LDB1: variants seen among roughly 807,000 people sequenced by gnomAD.
LDB1 encodes the protein LIM domain binding 1.
LDB1 carries 6 observed loss-of-function variants against 49.7 expected under a neutral mutation model. The ratio of observed to expected loss-of-function variants is 0.12; its 90% CI spans 0.07 to 0.24. The LOEUF (loss-of-function observed/expected upper bound fraction) is 0.24. Ranked by LOEUF, LDB1 falls within the 10% of genes least tolerant of loss-of-function variation. The pLI, the probability that LDB1 is intolerant of heterozygous loss-of-function variation, is 1.00. For missense variants in LDB1, 341 were observed against 561.7 expected (o/e 0.61, Z 3.97); for synonymous variants, 233 against 202.0 (o/e 1.15, Z -1.30).
intron 2 of LDB1, 59 bp from the exon 3 acceptor site, chr10:102,111,359 G>A: frequency 1.2e-6 from 2 of 1,602,474 alleles, no homozygotes; most frequent in South Asian, 1.1e-5. Flanking sequence ...TTGGGGGCAG[G>A]GGGCTACTCC....
At chr10:102,121,181 G>A (rs2068415376), upstream of LDB1, among the ~76,000 whole-genome samples, 1 of 152,078 alleles carries the variant, frequency 6.6e-6, no homozygotes, top group African/African-American at 2.4e-5. Context: ...ATTGGATTAC[G>A]GAGGGGCGAT....
Position 102,113,690 on chromosome 10 carries a change from C to G in LDB1, c.26-2154G>C, listed in dbSNP as rs559914439. 5.3e-5 allele frequency among the ~76,000 whole-genome samples: 8 copies of G among 150,462 alleles called. No individual in the cohort carries two copies. In the East Asian group the frequency reaches 1.6e-3, roughly 30 times the overall value. On this transcript the variant is annotated intron_variant, in intron 1 of 10. Coordinates refer to ENST00000673968, the MANE Select transcript of LDB1 (RefSeq NM_001113407.3). The stretch of plus-strand genomic sequence containing the variant: ...CCCTGCCTCCTCAGTTTCCGGGCCA[C>G]TTGAAATGTGTTAGCTCAAGAACCT...
At chr10:102,115,664 C>G (rs1221154163) in intron 1 of LDB1, among the ~76,000 whole-genome samples, 1 of 151,824 alleles carries the variant, frequency 6.6e-6, no homozygotes, top group African/African-American at 2.4e-5. Context: ...TAGGGAAAGC[C>G]AACTTGGCCA....
chr10:102,114,939 T>G, intron 1 of LDB1: 1 of 615,108 alleles, frequency 1.6e-6, no homozygotes, highest in Non-Finnish European at 2.0e-6. Flanking sequence ...GCTGCCTGCC[T>G]TTCTCCCTTT....
At chr10:102,108,596 T>C (rs999655551) in intron 10 of LDB1, among the ~76,000 whole-genome samples, 2 of 151,990 alleles carry the variant, frequency 1.3e-5, no homozygotes, top group Non-Finnish European at 2.9e-5. Flanking sequence ...TCCCCAAAAT[T>C]TTAGGGGACT....
intron 10 of LDB1, 145 bp downstream of exon 10, chr10:102,108,884 C>A: frequency 1.9e-6 from 2 of 1,063,966 alleles, no homozygotes; most frequent in East Asian, 2.4e-5. Flanking sequence ...ACTCTCTCAC[C>A]AGTAAAAGCA....
chr10:102,120,525 T>G (rs1423215571), upstream of LDB1: 10 of 300,280 alleles, frequency 3.3e-5, no homozygotes, highest in Non-Finnish European at 4.9e-5. Flanking sequence ...ATTAATATGC[T>G]AATTGTCCTG....
upstream of LDB1, among the ~76,000 whole-genome samples, chr10:102,121,085 A>G (rs749982040): frequency 6.6e-6 from 1 of 152,072 alleles, no homozygotes; most frequent in African/African-American, 2.4e-5. Context: ...TAAAAGGGTT[A>G]ATTAAGTGGG....
intron 1 of LDB1, among the ~76,000 whole-genome samples, chr10:102,116,250 C>T (rs1357565433): frequency 2.0e-5 from 3 of 152,172 alleles, no homozygotes; most frequent in Admixed American, 1.3e-4. Flanking sequence ...GGCGCGATCT[C>T]GGCTCACTGC....
downstream of LDB1, among the ~76,000 whole-genome samples, chr10:102,102,450 C>A (rs913935017): frequency 6.6e-6 from 1 of 152,122 alleles, no homozygotes; most frequent in Non-Finnish European, 1.5e-5. Flanking sequence ...CAGGGACTGG[C>A]CCTAGGTCCT....
In LDB1 at chr10:102,107,787, G is replaced by T. The variant is rs1209529225; in HGVS notation, c.*306C>A. On this transcript the variant is annotated 3_prime_UTR_variant, in exon 11 of 11. Transcript: ENST00000673968. ...CAGGGGGATGGGAAACCCACAATCT[G>T]GGGTGAAGATGGAGGCAAATGCCCT... 1 of 437,390 alleles carries T rather than the reference G, an allele frequency of 2.3e-6. No homozygotes were observed. The highest frequency in any genetic ancestry group is 4.2e-6 in the Non-Finnish European group (1 of 239,670). 27.1% of individuals were successfully genotyped at this position (437,390 alleles called of 1,614,324 possible). A position where few individuals can be genotyped will look rare whatever the true frequency, so the allele number is the denominator to read the frequency against.
At chr10:102,112,744 G>A (rs965711652) in intron 1 of LDB1, among the ~76,000 whole-genome samples, 7 of 152,180 alleles carry the variant, frequency 4.6e-5, no homozygotes, top group Non-Finnish European at 1.0e-4. Flanking sequence ...TGAGAAGTAG[G>A]TGGTCTGGGA....
At position 102,109,939 on chromosome 10, in the gene LDB1, G is replaced by A. The variant is rs1278298592; in HGVS notation, c.630C>T (p.Arg210=). ...GACTCACATGCATGGCAAGGATGCT[G>A]CGGGGGATGAGCTCTCGGTGCTGCC... ...SIRQHRELIP[R]SILAMHAQDP... Residue 210 remains arginine (R), a synonymous_variant, in exon 7 of 11, where the codon CGC becomes CGT. Transcript: ENST00000673968. The surrounding 1 kb of genome is among the most constrained non-coding windows in gnomAD (Gnocchi z 5.8). The A allele has an allele frequency of 1.2e-6, 2 of 1,610,144 alleles. No homozygotes were observed.
chr10:102,110,772 A>G lies in LDB1; in HGVS notation c.353-71T>C, dbSNP rs568060191. On this transcript the variant is annotated intron_variant, in intron 5 of 10. Transcript: ENST00000673968. ...GGGCCAGGCAGATGCCTCCCCTACCAATCTAGATATCCCCTGGCACTCCCA... is the reference window on the plus strand; with the variant it reads ...GGGCCAGGCAGATGCCTCCCCTACCGATCTAGATATCCCCTGGCACTCCCA... 45 of 1,578,222 alleles carry G rather than the reference A, an allele frequency of 2.9e-5. No individual in the cohort carries two copies. The East Asian group carries it at 1.0e-3, about 35-fold the overall frequency.
chr10:102,115,146 G>A (rs2068319787), intron 1 of LDB1, among the ~76,000 whole-genome samples: 2 of 152,136 alleles, frequency 1.3e-5, no homozygotes, highest in Non-Finnish European at 2.9e-5. Flanking sequence ...GACTGGGAGA[G>A]ACAGGGGACG....
chr10:102,117,945 A>T lies in LDB1; in HGVS notation c.25+2141T>A, dbSNP rs2068355246. Among the ~76,000 whole-genome samples, 1 of 152,032 alleles carries T rather than the reference A, an allele frequency of 6.6e-6. No individual in the cohort carries two copies. Among genetic ancestry groups the T allele is most frequent in the Non-Finnish European group, 1.5e-5 (1 of 68,010 alleles). On this transcript the variant is annotated intron_variant, in intron 1 of 10. Coordinates refer to ENST00000673968, the MANE Select transcript of LDB1 (RefSeq NM_001113407.3). This position sits in a 1 kb window ranked among gnomAD's most constrained non-coding sequence, Gnocchi z 4.2. ...CTTCCCTCAGTCACATGTGTGGGGCATGTGCTGTCTCTGCCGGGCTGGGGG... is the reference window on the plus strand; with the variant it reads ...CTTCCCTCAGTCACATGTGTGGGGCTTGTGCTGTCTCTGCCGGGCTGGGGG...
In LDB1 at chr10:102,117,705, C is replaced by T. The variant is rs1354057503; in HGVS notation, c.25+2381G>A. Among the ~76,000 whole-genome samples, 1 of 152,184 alleles carries T rather than the reference C, an allele frequency of 6.6e-6. No individual in the cohort carries two copies. Among genetic ancestry groups the T allele is most frequent in the Non-Finnish European group, 1.5e-5 (1 of 68,028 alleles). ...CTCCCCCTACTCCTCCCTGCCTTAA[C>T]CCTTCTGAGCCACATGCTGCCCCAG... On this transcript the variant is annotated intron_variant, in intron 1 of 10. Coordinates refer to ENST00000673968, the MANE Select transcript of LDB1 (RefSeq NM_001113407.3). This position sits in a 1 kb window ranked among gnomAD's most constrained non-coding sequence, Gnocchi z 4.2.
Position 102,107,949 on chromosome 10 carries a change from C to T in LDB1, c.*144G>A, listed in dbSNP as rs2068189775. ...GGGGGGCAAATCTTGGCACCTGCCCCCAGAGAGTCCAGTTCCTCCCTGAAG... is the reference window on the plus strand; with the variant it reads ...GGGGGGCAAATCTTGGCACCTGCCCTCAGAGAGTCCAGTTCCTCCCTGAAG... On this transcript the variant is annotated 3_prime_UTR_variant, in exon 11 of 11. Transcript: ENST00000673968. 1.2e-5 allele frequency: 9 copies of T among 747,268 alleles called. No homozygotes were observed. The South Asian group carries it at 1.5e-4, about 12-fold the overall frequency. The allele number at this position is 747,268 out of a possible 1,614,324, so 46.3% of individuals were successfully genotyped here.
intron 6 of LDB1, 75 bp downstream of exon 6, chr10:102,110,454 T>G: frequency 3.5e-6 from 5 of 1,447,476 alleles, no homozygotes; most frequent in Non-Finnish European, 4.7e-6. Flanking sequence ...GGAACAGCTG[T>G]GAGTATACAC....
Sources: gnomAD v4.1 joint callset for allele counts (sites outside exome capture counted in the v4.1 genomes callset) on GRCh38, gnomAD v4.1.1 for gene constraint, Gnocchi (gnomAD v3.1) non-coding constraint, MANE v1.5 for transcripts, NCBI Gene and HGNC (gene_info 2026-07-23, HGNC 2026-07-21) for gene names.